Variants in HDAC4 observed in about 807,000 individuals in gnomAD.
HDAC4 encodes histone deacetylase A.
HDAC4 carries 16 observed loss-of-function variants against 135.1 expected under a neutral mutation model. The ratio of observed to expected loss-of-function variants is 0.12; its 90% confidence interval spans 0.08 to 0.18. The LOEUF is 0.18. HDAC4 is among the 10% of genes least tolerant of loss of function. HDAC4 has a pLI of 1.00. For missense variants in HDAC4, 1,143 were observed against 1,511.8 expected (o/e 0.76, Z 4.05); for synonymous variants, 685 against 653.4 (o/e 1.05, Z -0.74).
chr2:239,179,935 G>C (rs1291239706), intron 4 of HDAC4, among the ~76,000 whole-genome samples: 1 of 152,240 alleles, frequency 6.6e-6, no homozygotes, highest in Non-Finnish European at 1.5e-5. Context: ...TGTGCGTTCT[G>C]AATGTGAGTG....
intron 22 of HDAC4, among the ~76,000 whole-genome samples, chr2:239,072,838 G>A (rs910101601): frequency 4.6e-5 from 7 of 152,206 alleles, no homozygotes; most frequent in Non-Finnish European, 8.8e-5. Flanking sequence ...TTATTGAAAA[G>A]TTCCTCTGAT....
chr2:239,364,287 CA>C (rs1455054282), intron 1 of HDAC4, among the ~76,000 whole-genome samples: 1 of 152,210 alleles, frequency 6.6e-6, no homozygotes, highest in Non-Finnish European at 1.5e-5. Flanking sequence ...CCAAACGTGC[CA>C]AAAGCTGCAC....
rs368413545 is a variant in HDAC4 at position 239,322,425 on chromosome 2, T to C, written c.22+30253A>G. 2.0e-5 allele frequency among the ~76,000 whole-genome samples: 3 copies of C among 152,378 alleles called. No individual in the cohort carries two copies. The East Asian group carries it at 5.8e-4, about 29-fold the overall frequency. ...TAAAATACAGATGATGTAAGGTTAGTAGGACCCATCCGTAGGCTGTTGTGG... is the reference window on the plus strand; with the variant it reads ...TAAAATACAGATGATGTAAGGTTAGCAGGACCCATCCGTAGGCTGTTGTGG... On this transcript the variant is annotated intron_variant, in intron 2 of 26. Transcript: ENST00000543185.
intron 1 of HDAC4, among the ~76,000 whole-genome samples, chr2:239,394,909 G>C (rs543320172): frequency 6.6e-6 from 1 of 152,386 alleles, no homozygotes; most frequent in South Asian, 2.1e-4. Context: ...CAGAGCCCCA[G>C]CTAGTAGAAA....
chr2:239,125,941 C>T (rs561116419), intron 12 of HDAC4, among the ~76,000 whole-genome samples: 6 of 152,362 alleles, frequency 3.9e-5, no homozygotes, highest in East Asian at 1.9e-4. Context: ...CGGCCCTGTA[C>T]GCTGCTTACC....
chr2:239,154,667 C>T (rs1428769526), intron 7 of HDAC4: 1 of 152,030 alleles, frequency 6.6e-6, no homozygotes, highest in African/African-American at 2.4e-5. Flanking sequence ...AGCATCAGTC[C>T]CCAGAAAGGG....
intron 1 of HDAC4, among the ~76,000 whole-genome samples, chr2:239,368,788 G>A (rs561294279): frequency 3.3e-5 from 5 of 152,242 alleles, no homozygotes; most frequent in East Asian, 1.9e-4. Context: ...TAAGTGTTGC[G>A]TTCTTTCGGA....
intron 6 of HDAC4, among the ~76,000 whole-genome samples, chr2:239,160,722 G>T (rs1255635468): frequency 6.6e-6 from 1 of 152,276 alleles, no homozygotes; most frequent in Non-Finnish European, 1.5e-5. Context: ...AGTTTGCGCG[G>T]CCGTTCCCCT....
chr2:239,066,580 G>C lies in HDAC4; in HGVS notation c.3003+142C>G. 2.8e-6 allele frequency: 3 copies of C among 1,055,382 alleles called. No homozygotes were observed. In the East Asian group the frequency reaches 7.1e-5, roughly 25 times the overall value. 65.4% of individuals were successfully genotyped at this position (1,055,382 alleles called of 1,614,324 possible). On this transcript the variant is annotated intron_variant, in intron 24 of 26. Transcript: ENST00000543185. ...ATTTAGAGCTATGCGGGGGTGGGGGGCAGGTGCAAGGCGGAGCTGCAAGCA... is the reference window on the plus strand; with the variant it reads ...ATTTAGAGCTATGCGGGGGTGGGGGCCAGGTGCAAGGCGGAGCTGCAAGCA...
intron 15 of HDAC4, among the ~76,000 whole-genome samples, chr2:239,104,668 G>A (rs899342819): frequency 2.4e-4 from 36 of 152,356 alleles, no homozygotes; most frequent in African/African-American, 8.2e-4. Flanking sequence ...GGGACCACAG[G>A]CTGTGCCCTG....
Position 239,352,936 on chromosome 2 carries a change from GAA to G in HDAC4, c.-219-20_-219-19del. ...AGATGAACCTGCAAGGTCAGAAGGA[GAA>G]AAGAGACTGGAGTTACAACATGGAA... On this transcript the variant is annotated intron_variant, in intron 1 of 26. Transcript: ENST00000543185. This position sits in a 1 kb window ranked among gnomAD's most constrained non-coding sequence, Gnocchi z 4.4. 1 of 557,820 alleles carries G rather than the reference GAA, an allele frequency of 1.8e-6. No homozygotes were observed. The highest frequency in any genetic ancestry group is 2.1e-5 in the South Asian group (1 of 47,064). The allele number at this position is 557,820 out of a possible 1,614,324, so 34.6% of individuals were successfully genotyped here.
At chr2:239,195,079 G>A (rs955008851) in intron 3 of HDAC4, among the ~76,000 whole-genome samples, 3 of 152,192 alleles carry the variant, frequency 2.0e-5, no homozygotes, top group Admixed American at 2.0e-4. Context: ...AGCCAGAGGG[G>A]GCTTCGGTGG....
At chr2:239,053,283 C>CTAA (rs1423213014) in intron 26 of HDAC4, 147 bp from the exon 27 acceptor site, 20 of 1,325,648 alleles carry the variant, frequency 1.5e-5, no homozygotes, top group Non-Finnish European at 2.1e-5. Context: ...TGTTCAGGAT[C>CTAA]TAATGCTCCT....
intron 24 of HDAC4, among the ~76,000 whole-genome samples, chr2:239,055,974 C>A (rs2031778706): frequency 6.6e-6 from 1 of 152,160 alleles, no homozygotes; most frequent in Non-Finnish European, 1.5e-5. Context: ...CAAACAGAGG[C>A]CATGGGAAGG....
chr2:239,144,963 G>C (rs1418503164), intron 7 of HDAC4, among the ~76,000 whole-genome samples: 1 of 152,184 alleles, frequency 6.6e-6, no homozygotes, highest in Non-Finnish European at 1.5e-5. Context: ...TTATGCAAGC[G>C]CTGGCACTGT....
chr2:239,176,342 C>T (rs1479629506), intron 5 of HDAC4, 71 bp downstream of exon 5: 2 of 185,006 alleles, frequency 1.1e-5, no homozygotes, highest in African/African-American at 1.6e-4. Context: ...CTCTGCCCAG[C>T]CTTCCGTGCC....
In HDAC4 at chr2:239,175,187, T is replaced by C. The variant is rs151109984; in HGVS notation, c.490+1226A>G. Among the ~76,000 whole-genome samples, 862 of 152,372 alleles carry C rather than the reference T, an allele frequency of 5.7e-3. 3 individuals are homozygous for C. Among genetic ancestry groups the C allele is most frequent in the Non-Finnish European group, 9.2e-3 (624 of 68,036 alleles). On this transcript the variant is annotated intron_variant, in intron 5 of 26. Transcript: ENST00000543185. The stretch of plus-strand genomic sequence containing the variant: ...AGTGTCTATGAAAGTCCCTTCACTC[T>C]GGTGATTAGATCCTGACTGTCTGTG...
At chr2:239,135,356 T>C (rs1248850530) in intron 9 of HDAC4, among the ~76,000 whole-genome samples, 1 of 152,098 alleles carries the variant, frequency 6.6e-6, no homozygotes, top group Non-Finnish European at 1.5e-5. Flanking sequence ...CACAGAGAGC[T>C]TGCAAATCAA....
intron 5 of HDAC4, among the ~76,000 whole-genome samples, chr2:239,173,588 C>G (rs943540258): frequency 6.6e-6 from 1 of 152,164 alleles, no homozygotes; most frequent in African/African-American, 2.4e-5. Flanking sequence ...TGGCACCTAA[C>G]AGTAAACTGG....
Sources: allele counts gnomAD v4.1 joint callset (sites outside exome capture counted in the v4.1 genomes callset), GRCh38; gene constraint gnomAD v4.1.1; non-coding constraint Gnocchi (gnomAD v3.1); transcripts MANE v1.5; gene names NCBI Gene and HGNC (gene_info 2026-07-23, HGNC 2026-07-21).